Variants in TOX observed in about 807,000 individuals in gnomAD.
The protein encoded by TOX is thymocyte selection-associated high mobility group box protein TOX.
A neutral mutation model predicts 53.7 loss-of-function variants in TOX; 11 were observed. The observed-to-expected ratio is 0.20, with a 90% CI of 0.13 to 0.34. The LOEUF (loss-of-function observed/expected upper bound fraction) is 0.34, where lower values mean the gene tolerates loss of function less well. Among genes scored for constraint, TOX ranks in the 10% least tolerant of loss-of-function variants. The probability of loss-of-function intolerance (pLI) is 1.00; values close to 1 mark genes in which losing one functional copy is unlikely to be tolerated. For synonymous variants in TOX, 225 were observed against 245.3 expected, an observed-to-expected ratio of 0.92 and a Z score of 0.77; for missense variants, 570 against 664.6, an observed-to-expected ratio of 0.86 and a Z score of 1.56.
intron 1 of TOX, among the ~76,000 whole-genome samples, chr8:59,061,786 G>C (rs1803989457): frequency 6.6e-6 from 1 of 152,002 alleles, no homozygotes; most frequent in Non-Finnish European, 1.5e-5. Flanking sequence ...GATCACCATG[G>C]AAGAGGAAGG....
rs113004605 is a variant in TOX, at chr8:58,969,270, T to C, written c.103-9262A>G. Among the ~76,000 whole-genome samples, 800 of 152,288 alleles carry C rather than the reference T, an allele frequency of 5.3e-3. 4 individuals are homozygous for C. The highest frequency in any genetic ancestry group is 0.018 in the African/African-American group (765 of 41,564). On this transcript the variant is annotated intron_variant, in intron 1 of 8. Transcript: ENST00000361421. ...ATTTTTTCAGATTGCAGAGTTTCTG[T>C]TTTCTAAATGAAAACATGTCATTTT...
chr8:58,858,052 G>T (rs184122379), intron 3 of TOX, among the ~76,000 whole-genome samples: 3 of 152,256 alleles, frequency 2.0e-5, no homozygotes, highest in Non-Finnish European at 2.9e-5. Context: ...TTACAGGCGT[G>T]AGCCACTGTG....
At chr8:58,964,233 G>A (rs542893876) in intron 1 of TOX, among the ~76,000 whole-genome samples, 2 of 152,176 alleles carry the variant, frequency 1.3e-5, no homozygotes, top group Admixed American at 6.5e-5. Context: ...GGAATCAAGA[G>A]ACCTGGCTAT....
intron 1 of TOX, among the ~76,000 whole-genome samples, chr8:59,113,724 C>T (rs1805058063): frequency 6.6e-6 from 1 of 151,886 alleles, no homozygotes; most frequent in East Asian, 1.9e-4. Flanking sequence ...GTTGGAGTGG[C>T]TGGGAAATGG....
chr8:59,027,822 T>G (rs959539693), intron 1 of TOX, among the ~76,000 whole-genome samples: 2 of 152,272 alleles, frequency 1.3e-5, no homozygotes, highest in Non-Finnish European at 2.9e-5. Flanking sequence ...GAATATAGAC[T>G]TCTATATATT....
intron 1 of TOX, among the ~76,000 whole-genome samples, chr8:59,115,869 T>A (rs1805091141): frequency 1.3e-5 from 2 of 152,126 alleles, no homozygotes; most frequent in South Asian, 4.1e-4. Flanking sequence ...ATAACGTGTA[T>A]TAGTCTTACA....
intron 1 of TOX, among the ~76,000 whole-genome samples, chr8:58,983,673 T>G (rs994868679): frequency 6.6e-6 from 1 of 152,246 alleles, no homozygotes; most frequent in Non-Finnish European, 1.5e-5. Flanking sequence ...TTTGGTGACA[T>G]TTTTCTCAGT....
intron 1 of TOX, among the ~76,000 whole-genome samples, chr8:59,074,589 G>T (rs1271395035): frequency 1.3e-5 from 2 of 152,084 alleles, no homozygotes; most frequent in East Asian, 3.8e-4. Flanking sequence ...GTTAAAAAAA[G>T]CACAATATTA....
At chr8:58,963,761 G>C (rs1812841716) in intron 1 of TOX, among the ~76,000 whole-genome samples, 1 of 152,174 alleles carries the variant, frequency 6.6e-6, no homozygotes, top group Non-Finnish European at 1.5e-5. Context: ...CTGTTTCAGG[G>C]CAGGTTTTGT....
chr8:58,862,960 A>G (rs1811035841), intron 3 of TOX, among the ~76,000 whole-genome samples: 1 of 152,116 alleles, frequency 6.6e-6, no homozygotes, highest in Admixed American at 6.6e-5. Flanking sequence ...ACTAACATAG[A>G]CCCTCTCAAC....
intron 1 of TOX, among the ~76,000 whole-genome samples, chr8:58,968,774 C>G (rs1383378853): frequency 6.6e-6 from 1 of 152,048 alleles, no homozygotes; most frequent in Non-Finnish European, 1.5e-5. Flanking sequence ...ATGCTCAGTT[C>G]TAGGAACCTC....
At chr8:59,095,989 T>C (rs1281370252) in intron 1 of TOX, among the ~76,000 whole-genome samples, 1 of 152,208 alleles carries the variant, frequency 6.6e-6, no homozygotes, top group African/African-American at 2.4e-5. Flanking sequence ...CTCAGTTTCC[T>C]TAGCCGTGAA....
chr8:58,867,000 G>A (rs1470257497), intron 3 of TOX, among the ~76,000 whole-genome samples: 4 of 152,146 alleles, frequency 2.6e-5, no homozygotes. Flanking sequence ...AGGGAAAAGT[G>A]AGAAACTTGC....
At chr8:58,820,532 C>T (rs1159531439) in intron 6 of TOX, among the ~76,000 whole-genome samples, 2 of 152,188 alleles carry the variant, frequency 1.3e-5, no homozygotes, top group African/African-American at 4.8e-5. Flanking sequence ...CTGGAATTCT[C>T]TTCAGAGCCT....
chr8:58,857,562 A>G lies in TOX; in HGVS notation c.412-5757T>C, dbSNP rs532335835. Among the ~76,000 whole-genome samples, 3 of 152,324 alleles carry G rather than the reference A, an allele frequency of 2.0e-5. No homozygotes were observed. The South Asian group carries it at 6.2e-4, about 32-fold the overall frequency. The stretch of plus-strand genomic sequence containing the variant: ...CCAATTAATGCAAAACAAAAGTCCC[A>G]TTAAAATCAATTAGGAAGCCAAAGC... On this transcript the variant is annotated intron_variant, in intron 3 of 8. Transcript: ENST00000361421.
chr8:58,889,229 A>AAAAC (rs1563380344), intron 3 of TOX, among the ~76,000 whole-genome samples: 7 of 142,036 alleles, frequency 4.9e-5, no homozygotes, highest in South Asian at 2.1e-4. Flanking sequence ...AAAAAAAAAA[A>AAAAC]AAACAAAAAA....
chr8:59,000,021 T>C (rs1813658814), intron 1 of TOX, among the ~76,000 whole-genome samples: 1 of 152,182 alleles, frequency 6.6e-6, no homozygotes, highest in Non-Finnish European at 1.5e-5. Context: ...ATTAGGACAC[T>C]GGATATTTAG....
intron 6 of TOX, among the ~76,000 whole-genome samples, chr8:58,817,598 G>A (rs1400106162): frequency 6.6e-6 from 1 of 152,146 alleles, no homozygotes; most frequent in Non-Finnish European, 1.5e-5. Flanking sequence ...AAGATTATGT[G>A]TTAAGTCTGT....
chr8:58,938,862 G>T (rs923863368), intron 3 of TOX, among the ~76,000 whole-genome samples: 2 of 152,096 alleles, frequency 1.3e-5, no homozygotes, highest in African/African-American at 4.8e-5. Context: ...CCTTCCTATG[G>T]TATACATTTG....
Sources: gnomAD v4.1 joint callset for allele counts (sites outside exome capture counted in the v4.1 genomes callset) on GRCh38, gnomAD v4.1.1 for gene constraint, MANE v1.5 for transcripts, NCBI Gene and HGNC (gene_info 2026-07-23, HGNC 2026-07-21) for gene names.